INPP5D: variants seen among roughly 807,000 people sequenced by gnomAD.
INPP5D encodes the protein inositol polyphosphate-5-phosphatase D, also known as phosphatidylinositol 3,4,5-trisphosphate 5-phosphatase 1.
In INPP5D, 33 loss-of-function variants were observed where a neutral mutation model predicts 122.9. The observed-to-expected ratio is 0.27, with a 90% CI of 0.20 to 0.36. The LOEUF is 0.36. INPP5D is among the 10% of genes least tolerant of loss of function. The pLI is 1.00. For synonymous variants in INPP5D, 584 were observed against 576.2 expected (o/e 1.01, Z -0.19); for missense variants, 1,053 against 1,412.7 (o/e 0.75, Z 4.08).
chr2:233,119,091 A>T (rs1352932296), intron 2 of INPP5D, among the ~76,000 whole-genome samples: 1 of 152,218 alleles, frequency 6.6e-6, no homozygotes, highest in Non-Finnish European at 1.5e-5. Context: ...AATGTGTAAC[A>T]TAGTCTGTGG....
At chr2:233,123,879 T>C (rs1183203015) in intron 3 of INPP5D, among the ~76,000 whole-genome samples, 1 of 151,958 alleles carries the variant, frequency 6.6e-6, no homozygotes, top group East Asian at 1.9e-4. Context: ...GAAAACCAAA[T>C]ACCACGTGTT....
chr2:233,113,305 C>T (rs1692682869), intron 2 of INPP5D, among the ~76,000 whole-genome samples: 1 of 152,146 alleles, frequency 6.6e-6, no homozygotes, highest in South Asian at 2.1e-4. Flanking sequence ...GCAACCTGAC[C>T]ACCTCCCTGG....
At chr2:233,121,640 TG>T (rs1559303330) in intron 2 of INPP5D, among the ~76,000 whole-genome samples, 1 of 151,862 alleles carries the variant, frequency 6.6e-6, no homozygotes, top group African/African-American at 2.4e-5. Context: ...CTCAGCCTCC[TG>T]AGTAGCTGGG....
rs1343303763 is a variant in INPP5D, at chr2:233,183,342, C to A, written c.2161+843C>A. Among the ~76,000 whole-genome samples the A allele has an allele frequency of 6.6e-6, 1 of 152,182 alleles. No homozygotes were observed. The highest frequency in any genetic ancestry group is 1.5e-5 in the Non-Finnish European group (1 of 68,036). ...TGTGTCCTTCATGCCCTGGGGGACA[C>A]ACGTGAGGCCGAAGCACTGTCTTCC... On this transcript the variant is annotated intron_variant, in intron 19 of 26. Coordinates refer to ENST00000445964, the MANE Select transcript of INPP5D (RefSeq NM_001017915.3). This position sits in a 1 kb window ranked among gnomAD's most constrained non-coding sequence, Gnocchi z 4.6.
intron 2 of INPP5D, among the ~76,000 whole-genome samples, chr2:233,110,685 G>A (rs1692599234): frequency 6.6e-6 from 1 of 152,232 alleles, no homozygotes; most frequent in Admixed American, 6.5e-5. Flanking sequence ...ACTTTGGGAA[G>A]CTGAGGCAGG....
chr2:233,144,273 TA>T (rs1363566053), intron 6 of INPP5D, among the ~76,000 whole-genome samples: 3 of 141,266 alleles, frequency 2.1e-5, no homozygotes, highest in Admixed American at 7.1e-5. Context: ...GTGGGAGTGG[TA>T]GGGGTGGAGA....
intron 1 of INPP5D, among the ~76,000 whole-genome samples, chr2:233,065,635 CTTTCTTTCTTTCTTTCT>C (rs1207823288): frequency 0.031 from 237 of 7,584 alleles, 93 homozygotes; most frequent in African/African-American, 0.16. Context: ...TTCTTTCTTT[CTTTCTTTCTTTCTTTCT>C]TTTTTTTTTT....
chr2:233,195,342 CGCCTAA>C, intron 23 of INPP5D, 51 bp from the exon 24 acceptor site: 1 of 1,612,210 alleles, frequency 6.2e-7, no homozygotes, highest in Non-Finnish European at 8.5e-7. Flanking sequence ...TGCCATCCCT[CGCCTAA>C]GCTCTGGAAG....
intron 9 of INPP5D, among the ~76,000 whole-genome samples, chr2:233,152,869 G>A (rs574573432): frequency 6.6e-6 from 1 of 152,200 alleles, no homozygotes; most frequent in Non-Finnish European, 1.5e-5. Flanking sequence ...CAGCTGGGGG[G>A]GGTGTGGTGT....
chr2:233,070,447 T>G (rs1691346654), intron 1 of INPP5D, among the ~76,000 whole-genome samples: 1 of 150,008 alleles, frequency 6.7e-6, no homozygotes, highest in Admixed American at 6.7e-5. Context: ...AGCAGGTTTT[T>G]TTTTTTTTTT....
chr2:233,093,484 C>G (rs1692042339), intron 2 of INPP5D, among the ~76,000 whole-genome samples: 1 of 152,024 alleles, frequency 6.6e-6, no homozygotes, highest in South Asian at 2.1e-4. Flanking sequence ...AGTTCAAGAC[C>G]AGCCTGGCCA....
chr2:233,170,047 C>T lies in INPP5D; in HGVS notation c.1674C>T (p.Asn558=), dbSNP rs1291679601. Reference sequence around the variant, plus strand: ...TTAGGCGAAACCAAAACTATATGAACATTCTCCGGTTCCTGGCCCTGGGCG... The same window carrying T: ...TTAGGCGAAACCAAAACTATATGAATATTCTCCGGTTCCTGGCCCTGGGCG... ...KKLRRNQNYM[N]ILRFLALGDK... is the part of the protein sequence containing the mutation. The change falls in exon 15 of 27, where the codon AAC becomes AAT. Residue 558 remains asparagine (N), a synonymous_variant. Transcript: ENST00000445964. The surrounding 1 kb of genome is among the most constrained non-coding windows in gnomAD (Gnocchi z 4.5). 6.8e-6 allele frequency: 11 copies of T among 1,613,914 alleles called. No individual in the cohort carries two copies. The highest frequency in any genetic ancestry group is 2.2e-5 in the East Asian group (1 of 44,902).
intron 13 of INPP5D, among the ~76,000 whole-genome samples, chr2:233,166,983 C>CAA (rs762605517): frequency 3.2e-5 from 4 of 125,598 alleles, no homozygotes; most frequent in South Asian, 2.5e-4. Context: ...GACTCTATCT[C>CAA]AAAAAAAAAA....
At chr2:233,172,532 A>G (rs974913438) in intron 17 of INPP5D, among the ~76,000 whole-genome samples, 2 of 152,204 alleles carry the variant, frequency 1.3e-5, no homozygotes, top group Non-Finnish European at 2.9e-5. Context: ...GCGAGACCTG[A>G]TTGCCATTGA....
chr2:233,181,460 A>G, intron 18 of INPP5D, among the ~76,000 whole-genome samples: 1 of 152,142 alleles, frequency 6.6e-6, no homozygotes. Context: ...AAGCCCAGAC[A>G]TGCTCAGGTC....
At chr2:233,196,242 C>G (rs1323658197) in intron 24 of INPP5D, among the ~76,000 whole-genome samples, 1 of 152,308 alleles carries the variant, frequency 6.6e-6, no homozygotes, top group East Asian at 1.9e-4. Flanking sequence ...AGGAGAGGTG[C>G]TCTCCTGCCT....
chr2:233,140,824 A>G (rs1693616808), intron 6 of INPP5D: 1 of 152,228 alleles, frequency 6.6e-6, no homozygotes, highest in Non-Finnish European at 1.5e-5. Context: ...GGGAGCCACC[A>G]TGCCTGGCCA....
rs573792434 is a variant in INPP5D, at chr2:233,202,551, C to T, written c.2976-1575C>T. Among the ~76,000 whole-genome samples, 201 of 152,318 alleles carry T rather than the reference C, an allele frequency of 1.3e-3. 1 individual carries two copies. The highest frequency in any genetic ancestry group is 4.5e-3 in the African/African-American group (186 of 41,568). On this transcript the variant is annotated intron_variant, in intron 25 of 26. Coordinates refer to ENST00000445964, the MANE Select transcript of INPP5D (RefSeq NM_001017915.3). ...CCTTTGTCCCCTGAGCCCACACCTG[C>T]TCCCCAGAGTCACTGTTGAGTGCCT...
chr2:233,060,910 C>A (rs952452152), intron 1 of INPP5D, among the ~76,000 whole-genome samples: 1 of 152,084 alleles, frequency 6.6e-6, no homozygotes, highest in East Asian at 1.9e-4. Flanking sequence ...GGAGTTTGGG[C>A]TTTTGGAGCC....
Sources: allele counts gnomAD v4.1 joint callset (sites outside exome capture counted in the v4.1 genomes callset), GRCh38; gene constraint gnomAD v4.1.1; non-coding constraint Gnocchi (gnomAD v3.1); transcripts MANE v1.5; gene names NCBI Gene and HGNC (gene_info 2026-07-23, HGNC 2026-07-21).